ADGRG7: variants seen among roughly 807,000 people sequenced by gnomAD.
ADGRG7 encodes G-protein coupled receptor 128.
Under a neutral mutation model 88.6 loss-of-function variants are expected in ADGRG7, and 82 were observed. That is an observed-to-expected ratio of 0.93 (90% CI 0.77 to 1.11). The LOEUF (loss-of-function observed/expected upper bound fraction) is 1.11, where lower values mean the gene tolerates loss of function less well. Ranked by LOEUF, ADGRG7 falls within the 50% of genes most tolerant of loss-of-function variation. ADGRG7 has a pLI of 0.00. For missense variants in ADGRG7, 945 were observed against 953.4 expected, an observed-to-expected ratio of 0.99 and a Z score of 0.12; for synonymous variants, 381 against 345.2, an observed-to-expected ratio of 1.10 and a Z score of -1.15.
At chr3:100,616,484 TA>T (rs138521675) in intron 1 of ADGRG7, among the ~76,000 whole-genome samples, 2,497 of 152,034 alleles carry the variant, frequency 0.016, 72 homozygotes, top group African/African-American at 0.057. Flanking sequence ...ATAGTAATGA[TA>T]AAAAAATTAA....
intron 15 of ADGRG7, among the ~76,000 whole-genome samples, chr3:100,692,857 C>T (rs573390304): frequency 6.6e-6 from 1 of 152,272 alleles, no homozygotes; most frequent in Non-Finnish European, 1.5e-5. Flanking sequence ...CCAGAATCTA[C>T]AGGCATAGGA....
intron 1 of ADGRG7, among the ~76,000 whole-genome samples, chr3:100,623,864 T>C (rs112946280): frequency 0.033 from 5,029 of 152,306 alleles, 124 homozygotes; most frequent in Non-Finnish European, 0.053. Flanking sequence ...TCCATGTCCC[T>C]GCAATGGACA....
Position 100,635,702 on chromosome 3 carries a change from A to G in ADGRG7, c.473A>G (p.Asn158Ser). Reference sequence around the variant, plus strand: ...GTAAAGGATGTCACAGCACCACTTAATAACATTTCTTCTGAAGTCCAGATT... The same window carrying G: ...GTAAAGGATGTCACAGCACCACTTAGTAACATTTCTTCTGAAGTCCAGATT... ...KQVKDVTAPL[N>S]NISSEVQILT... Residue 158 changes from asparagine (N) to serine (S), a missense_variant, in exon 5 of 16, where the codon AAT (asparagine) becomes AGT (serine). Transcript: ENST00000273352. 6.2e-7 allele frequency: 1 copy of G among 1,614,018 alleles called. No homozygotes were observed. Among genetic ancestry groups the G allele is most frequent in the Non-Finnish European group, 8.5e-7 (1 of 1,179,932 alleles).
At chr3:100,684,826 T>C (rs941422653) in intron 15 of ADGRG7, among the ~76,000 whole-genome samples, 1 of 152,046 alleles carries the variant, frequency 6.6e-6, no homozygotes, top group Non-Finnish European at 1.5e-5. Flanking sequence ...AAGATACAAA[T>C]TTCAATTTCC....
intron 14 of ADGRG7, among the ~76,000 whole-genome samples, chr3:100,661,790 C>CA (rs1170763102): frequency 6.6e-6 from 1 of 152,152 alleles, no homozygotes; most frequent in African/African-American, 2.4e-5. Flanking sequence ...ATAATAAAAA[C>CA]AAATTTCTCA....
In ADGRG7 at chr3:100,646,605, T is replaced by G. The variant is rs1196120939; in HGVS notation, c.1147T>G (p.Cys383Gly). 6.8e-6 allele frequency: 11 copies of G among 1,613,726 alleles called. No individual in the cohort carries two copies. Among genetic ancestry groups the G allele is most frequent in the African/African-American group, 1.3e-5 (1 of 74,922 alleles). Residue 383 changes from cysteine (C) to glycine (G), a missense_variant, in exon 10 of 16, where the codon TGT becomes GGT. Cys to Gly is a radical substitution (Grantham distance 159). Coordinates refer to ENST00000273352, the MANE Select transcript of ADGRG7 (RefSeq NM_032787.3). ...QKEFQLYSYA[C>G]VYWNLSAKDW... ...AGAATTTCAACTCTATTCCTATGCCTGTGTCTATTGGAATTTGTCAGCGAA... is the reference window on the plus strand; with the variant it reads ...AGAATTTCAACTCTATTCCTATGCCGGTGTCTATTGGAATTTGTCAGCGAA...
chr3:100,615,178 A>G (rs1707206928), intron 1 of ADGRG7, among the ~76,000 whole-genome samples: 1 of 152,196 alleles, frequency 6.6e-6, no homozygotes, highest in Non-Finnish European at 1.5e-5. Context: ...CTGATCTGGA[A>G]CTAATCACTC....
chr3:100,670,421 C>T (rs1174279033), intron 15 of ADGRG7, among the ~76,000 whole-genome samples: 1 of 152,148 alleles, frequency 6.6e-6, no homozygotes, highest in Non-Finnish European at 1.5e-5. Context: ...TTGATGGATA[C>T]TTACTTTGCT....
chr3:100,693,034 C>G (rs2094996516), intron 15 of ADGRG7, among the ~76,000 whole-genome samples: 1 of 152,118 alleles, frequency 6.6e-6, no homozygotes, highest in Non-Finnish European at 1.5e-5. Context: ...ACAATTTGAA[C>G]TTTGTGTTAC....
rs375772032 is a variant in ADGRG7 at position 100,694,860 on chromosome 3, G to T, written c.2253G>T (p.Thr751=). 21 of 1,614,026 alleles carry T rather than the reference G, an allele frequency of 1.3e-5. No individual in the cohort carries two copies. Among genetic ancestry groups the T allele is most frequent in the Middle Eastern group, 1.6e-4 (1 of 6,084 alleles). The change falls in exon 16 of 16, where the codon ACG becomes ACT. Residue 751 remains threonine (T), a synonymous_variant. Coordinates refer to ENST00000273352, the MANE Select transcript of ADGRG7 (RefSeq NM_032787.3). ...IGRRKSLPSV[T]RPRLRVKMYN... ...GAAGGAAGTCATTGCCTTCAGTGACGCGGCCGAGGCTGCGTGTAAAGATGT... is the reference window on the plus strand; with the variant it reads ...GAAGGAAGTCATTGCCTTCAGTGACTCGGCCGAGGCTGCGTGTAAAGATGT...
At chr3:100,659,439 C>CA (rs373835556) in intron 13 of ADGRG7, among the ~76,000 whole-genome samples, 32,612 of 79,588 alleles carry the variant, frequency 0.41, 7,330 homozygotes, top group South Asian at 0.51. Context: ...GACTCAGTCT[C>CA]AAAAAAAAAA....
chr3:100,692,509 G>A (rs534897286), intron 15 of ADGRG7, among the ~76,000 whole-genome samples: 21 of 152,124 alleles, frequency 1.4e-4, no homozygotes, highest in African/African-American at 3.1e-4. Flanking sequence ...AGAGAGGTTC[G>A]TAACAAAGTG....
chr3:100,651,179 A>G (rs1030215088), intron 11 of ADGRG7, among the ~76,000 whole-genome samples: 18 of 152,344 alleles, frequency 1.2e-4, no homozygotes, highest in East Asian at 7.7e-4. Context: ...ATACAAAACT[A>G]TGAACAGACA....
intron 6 of ADGRG7, among the ~76,000 whole-genome samples, chr3:100,637,768 G>T (rs977159713): frequency 6.6e-6 from 1 of 152,224 alleles, no homozygotes; most frequent in Non-Finnish European, 1.5e-5. Flanking sequence ...AGCTCACTTT[G>T]CAGGACATAC....
At chr3:100,664,522 A>G (rs1414325220) in intron 14 of ADGRG7, among the ~76,000 whole-genome samples, 1 of 152,134 alleles carries the variant, frequency 6.6e-6, no homozygotes, top group Non-Finnish European at 1.5e-5. Context: ...GATACAGAAA[A>G]CCAAACAAGA....
At chr3:100,659,866 A>G (rs775542032) in intron 14 of ADGRG7, 23 bp downstream of exon 14, 4 of 1,610,464 alleles carry the variant, frequency 2.5e-6, no homozygotes, top group Non-Finnish European at 8.5e-7. Context: ...ATGAATGGGA[A>G]GCTGCCAGGC....
Position 100,669,193 on chromosome 3 carries a change from T to A in ADGRG7, c.2136+88T>A, listed in dbSNP as rs568904849. ...CTTAGTTACCTTTAAGAGACTATTTTAAAAAAATCTAGGCCAGGCGCGGTG... is the reference window on the plus strand; with the variant it reads ...CTTAGTTACCTTTAAGAGACTATTTAAAAAAAATCTAGGCCAGGCGCGGTG... On this transcript the variant is annotated intron_variant, in intron 15 of 15. Coordinates refer to ENST00000273352, the MANE Select transcript of ADGRG7 (RefSeq NM_032787.3). 2.5e-5 allele frequency: 29 copies of A among 1,151,210 alleles called. No homozygotes were observed. The East Asian group carries it at 7.4e-4, about 30-fold the overall frequency. The allele number at this position is 1,151,210 out of a possible 1,614,324, so 71.3% of individuals were successfully genotyped here.
At chr3:100,694,546 C>T (rs529073044) in intron 15 of ADGRG7, among the ~76,000 whole-genome samples, 198 bp from the exon 16 acceptor site, 22 of 152,156 alleles carry the variant, frequency 1.4e-4, no homozygotes, top group Non-Finnish European at 2.8e-4. Context: ...TGTACTGTTA[C>T]ATGTAGGTCT....
At chr3:100,691,142 T>G (rs963082227) in intron 15 of ADGRG7, among the ~76,000 whole-genome samples, 2 of 152,210 alleles carry the variant, frequency 1.3e-5, no homozygotes, top group African/African-American at 2.4e-5. Context: ...CAAGCCTCCA[T>G]GGGCGTAGGA....
Sources: gnomAD v4.1 joint callset for allele counts (sites outside exome capture counted in the v4.1 genomes callset) on GRCh38, gnomAD v4.1.1 for gene constraint, MANE v1.5 for transcripts, NCBI Gene and HGNC (gene_info 2026-07-23, HGNC 2026-07-21) for gene names.